Variants in TBX5 observed in about 807,000 individuals in gnomAD.
TBX5 encodes the protein T-box transcription factor TBX5.
TBX5 carries 8 observed loss-of-function variants against 51.1 expected under a neutral mutation model. The observed-to-expected ratio is 0.16, with a 90% confidence interval of 0.09 to 0.28. The LOEUF (loss-of-function observed/expected upper bound fraction) is 0.28, where lower values mean the gene tolerates loss of function less well. Ranked by LOEUF, TBX5 falls within the 10% of genes least tolerant of loss-of-function variation. TBX5 has a pLI of 1.00. For synonymous variants in TBX5, 302 were observed against 266.4 expected, an observed-to-expected ratio of 1.13 and a Z score of -1.30; for missense variants, 589 against 671.7, an observed-to-expected ratio of 0.88 and a Z score of 1.36.
At chr12:114,404,828 C>G (rs1229966608) in intron 1 of TBX5, among the ~76,000 whole-genome samples, 1 of 152,168 alleles carries the variant, frequency 6.6e-6, no homozygotes, top group African/African-American at 2.4e-5. Context: ...CAGGCTCAGG[C>G]TCAGGATTGG....
chr12:114,382,693 A>G (rs972884052), intron 7 of TBX5, among the ~76,000 whole-genome samples: 2 of 152,246 alleles, frequency 1.3e-5, no homozygotes, highest in East Asian at 3.9e-4. Flanking sequence ...GCTACTCAGG[A>G]GGCTGAGGGA....
Position 114,403,835 on chromosome 12 carries a change from G to A in TBX5, c.64C>T (p.Leu22=). 1 of 1,614,080 alleles carries A rather than the reference G, an allele frequency of 6.2e-7. No homozygotes were observed. Among genetic ancestry groups the A allele is most frequent in the Non-Finnish European group, 8.5e-7 (1 of 1,180,022 alleles). ...HTPLEPDAKD[L]PCDSKPESAL... is the part of the protein sequence containing the mutation. The stretch of plus-strand genomic sequence containing the variant: ...CTCTCGGGTTTCGAATCGCAGGGCA[G>A]GTCTTTTGCGTCAGGCTCCAGAGGC... The change falls in exon 2 of 9, where the codon CTG becomes TTG. Residue 22 remains leucine, a synonymous_variant. Transcript: ENST00000405440.
intron 5 of TBX5, among the ~76,000 whole-genome samples, chr12:114,396,326 C>T (rs1871427509): frequency 6.6e-6 from 1 of 152,036 alleles, no homozygotes. Flanking sequence ...CCACAGTCCC[C>T]GGCCGGCGGG....
upstream of TBX5, chr12:114,407,864 C>T (rs1321154550): frequency 3.0e-6 from 3 of 985,130 alleles, no homozygotes; most frequent in East Asian, 1.1e-4. Context: ...GAGTGCGCCT[C>T]GCTGGAGAGC....
intron 7 of TBX5, among the ~76,000 whole-genome samples, chr12:114,384,273 G>GT (rs11348332): frequency 6.8e-6 from 1 of 147,874 alleles, no homozygotes; most frequent in East Asian, 2.0e-4. Flanking sequence ...TCATTCTCTT[G>GT]TTTTTTTTTT....
At chr12:114,376,268 T>C (rs1005494905) in intron 7 of TBX5, among the ~76,000 whole-genome samples, 3 of 109,348 alleles carry the variant, frequency 2.7e-5, no homozygotes, top group Admixed American at 2.1e-4. Context: ...GTGGTGTGTA[T>C]ATATATACAC....
In TBX5 at chr12:114,403,859, G is replaced by C; in HGVS notation, c.40C>G (p.Pro14Ala). 1 of 1,613,860 alleles carries C rather than the reference G, an allele frequency of 6.2e-7. No homozygotes were observed. The highest frequency in any genetic ancestry group is 8.5e-7 in the Non-Finnish European group (1 of 1,179,990). ...AGGTCTTTTGCGTCAGGCTCCAGAGGCGTGTGCGCCAGGCCAAAGCCCTCG... is the reference window on the plus strand; with the variant it reads ...AGGTCTTTTGCGTCAGGCTCCAGAGCCGTGTGCGCCAGGCCAAAGCCCTCG... ...ADEGFGLAHT[P>A]LEPDAKDLPC... The change falls in exon 2 of 9, where the codon CCT (proline) becomes GCT (alanine). Residue 14 changes from proline to alanine, a missense_variant. Transcript: ENST00000405440.
intron 7 of TBX5, among the ~76,000 whole-genome samples, chr12:114,377,838 A>G (rs1321392914): frequency 1.3e-5 from 2 of 151,854 alleles, no homozygotes; most frequent in African/African-American, 4.8e-5. Flanking sequence ...CAAGGTAGAG[A>G]GGGTAAAAAT....
chr12:114,375,653 A>T lies in TBX5; in HGVS notation c.756-9262T>A, dbSNP rs540313396. ...CAAAAGATAACAAATGTTGGCAAGG[A>T]TGTGGAGAAAAAGGAATCCTTGCAC... On this transcript the variant is annotated intron_variant, in intron 7 of 8. Transcript: ENST00000405440. Among the ~76,000 whole-genome samples, 4 of 152,338 alleles carry T rather than the reference A, an allele frequency of 2.6e-5. No individual in the cohort carries two copies. In the South Asian group the frequency reaches 6.2e-4, roughly 24 times the overall value.
intron 7 of TBX5, among the ~76,000 whole-genome samples, chr12:114,369,055 T>A (rs998062896): frequency 1.3e-5 from 2 of 152,032 alleles, no homozygotes; most frequent in Admixed American, 1.3e-4. Context: ...CAATAAAACA[T>A]TATAAAAGTT....
intron 3 of TBX5, 151 bp from the exon 4 acceptor site, chr12:114,399,783 G>A: frequency 4.5e-6 from 6 of 1,323,458 alleles, no homozygotes; most frequent in Non-Finnish European, 6.3e-6. Flanking sequence ...ATCCATCCCG[G>A]GTTTCCCTTG....
chr12:114,366,521 A>G, intron 7 of TBX5, 130 bp from the exon 8 acceptor site: 1 of 850,132 alleles, frequency 1.2e-6, no homozygotes, highest in South Asian at 1.5e-5. Context: ...TCTTTGATGA[A>G]TAAAATGATC....
chr12:114,360,668 G>A (rs114023413), intron 8 of TBX5, among the ~76,000 whole-genome samples: 2 of 149,210 alleles, frequency 1.3e-5, no homozygotes, highest in African/African-American at 2.5e-5. Context: ...GGATGAGTGA[G>A]TGGATAGATA....
At chr12:114,401,341 G>C (rs1871799395) in intron 3 of TBX5, among the ~76,000 whole-genome samples, 1 of 152,212 alleles carries the variant, frequency 6.6e-6, no homozygotes, top group Admixed American at 6.5e-5. Context: ...TTCAGAGTTT[G>C]ACAATCGGGT....
intron 7 of TBX5, among the ~76,000 whole-genome samples, chr12:114,384,347 C>G (rs1483531855): frequency 6.6e-6 from 1 of 151,942 alleles, no homozygotes; most frequent in Non-Finnish European, 1.5e-5. Context: ...GTGATCATAG[C>G]TCACTGCAGC....
intron 6 of TBX5, among the ~76,000 whole-genome samples, chr12:114,386,047 T>C (rs1010765369): frequency 1.3e-5 from 2 of 152,228 alleles, no homozygotes; most frequent in Non-Finnish European, 2.9e-5. Flanking sequence ...AATTCTATTA[T>C]GCCTCATTTC....
chr12:114,408,066 C>G (rs952739668), upstream of TBX5: 1 of 985,332 alleles, frequency 1.0e-6, no homozygotes, highest in East Asian at 1.1e-4. Context: ...GCGATAGCGA[C>G]TATCTCACCA....
intron 7 of TBX5, among the ~76,000 whole-genome samples, chr12:114,373,400 C>T (rs183815064): frequency 9.8e-4 from 149 of 152,302 alleles, no homozygotes; most frequent in African/African-American, 3.4e-3. Context: ...CAACAAAGGA[C>T]AATTCAAGCT....
At chr12:114,399,958 A>G (rs1593881848) in intron 3 of TBX5, among the ~76,000 whole-genome samples, 1 of 152,172 alleles carries the variant, frequency 6.6e-6, no homozygotes, top group Non-Finnish European at 1.5e-5. Context: ...CCCTTTTCGG[A>G]GCCAGACACC....
Sources: gnomAD v4.1 joint callset for allele counts (sites outside exome capture counted in the v4.1 genomes callset) on GRCh38, gnomAD v4.1.1 for gene constraint, MANE v1.5 for transcripts, NCBI Gene and HGNC (gene_info 2026-07-23, HGNC 2026-07-21) for gene names.